The following TBX2 variants were observed in gnomAD, a reference collection of about 807,000 sequenced individuals.
The protein encoded by TBX2 is T-box transcription factor 2.
Under a neutral mutation model 48.4 loss-of-function variants are expected in TBX2, and 19 were observed. The ratio of observed to expected loss-of-function variants is 0.39; its 90% confidence interval spans 0.27 to 0.58. The LOEUF (loss-of-function observed/expected upper bound fraction) is 0.58, where lower values mean the gene tolerates loss of function less well. Ranked by LOEUF, TBX2 falls within the 20% of genes least tolerant of loss-of-function variation. TBX2 has a pLI of 0.54. For synonymous variants in TBX2, 522 were observed against 459.7 expected (o/e 1.14, Z -1.73); for missense variants, 994 against 1,006.5 (o/e 0.99, Z 0.17).
At position 61,403,186 on chromosome 17, in the gene TBX2, C is replaced by G; in HGVS notation, c.789C>G (p.Val263=). The G allele has an allele frequency of 3.1e-6, 5 of 1,613,418 alleles. No individual in the cohort carries two copies. The highest frequency in any genetic ancestry group is 4.2e-6 in the Non-Finnish European group (5 of 1,180,020). Residue 263 remains valine, a synonymous_variant, in exon 3 of 7, where the codon GTC becomes GTG. Transcript: ENST00000240328. This position sits in a 1 kb window ranked among gnomAD's most constrained non-coding sequence, Gnocchi z 5.8. ...TCCCGGAGACCGACTTCATCGCCGT[C>G]ACTGCCTACCAGAATGACAAGGTGC... ...YVFPETDFIA[V]TAYQNDKITQ...
rs2060275420 is a variant in TBX2 at position 61,403,627 on chromosome 17, C to T, written c.810+420C>T. 6.6e-6 allele frequency among the ~76,000 whole-genome samples: 1 copy of T among 152,108 alleles called. No individual in the cohort carries two copies. On this transcript the variant is annotated intron_variant, in intron 3 of 6. Transcript: ENST00000240328. The surrounding 1 kb of genome is among the most constrained non-coding windows in gnomAD (Gnocchi z 5.8). The stretch of plus-strand genomic sequence containing the variant: ...GAACCCGGGGCCCAGTTTTCACTCT[C>T]TCGGGGGGAGCCAGAGGGTGGGACA...
In TBX2 at chr17:61,405,357, G is replaced by A; in HGVS notation, c.1207G>A (p.Glu403Lys). 3 of 1,547,200 alleles carry A rather than the reference G, an allele frequency of 1.9e-6. No individual in the cohort carries two copies. The highest frequency in any genetic ancestry group is 1.4e-5 in the African/African-American group (1 of 73,646). ...PERARERRSP[E>K]RGKEPAESGG... ...GCGCGCCCGGGAGCGGCGTAGTCCC[G>A]AGAGGGGCAAGGAGCCGGCCGAGAG... Residue 403 changes from glutamate (E) to lysine (K), a missense_variant, in exon 6 of 7, where the codon GAG (glutamate) becomes AAG (lysine). Transcript: ENST00000240328.
chr17:61,405,346 G>T lies in TBX2; in HGVS notation c.1196G>T (p.Arg399Leu). 6.5e-7 allele frequency: 1 copy of T among 1,545,962 alleles called. No homozygotes were observed. Among genetic ancestry groups the T allele is most frequent in the East Asian group, 2.4e-5 (1 of 41,892 alleles). The change falls in exon 6 of 7, where the codon CGG becomes CTG. Residue 399 changes from arginine to leucine, a missense_variant. Coordinates refer to ENST00000240328, the MANE Select transcript of TBX2 (RefSeq NM_005994.4). ...ACCGAACCCGAGCGCGCCCGGGAGC[G>T]GCGTAGTCCCGAGAGGGGCAAGGAG... is the stretch of plus-strand genomic sequence containing the variant. ...RLTEPERARE[R>L]RSPERGKEPA... is the part of the protein sequence containing the mutation.
chr17:61,403,132 G>C lies in TBX2; in HGVS notation c.735G>C (p.Leu245=). Residue 245 remains leucine (L), a synonymous_variant, in exon 3 of 7, where the codon CTG becomes CTC. Coordinates refer to ENST00000240328, the MANE Select transcript of TBX2 (RefSeq NM_005994.4). The surrounding 1 kb of genome is among the most constrained non-coding windows in gnomAD (Gnocchi z 5.8). The part of the protein sequence containing the change: ...HIVRANDILK[L]PYSTFRTYVF... The stretch of plus-strand genomic sequence containing the variant: ...TGCGAGCCAACGACATCCTGAAGCT[G>C]CCTTACAGCACCTTCCGCACCTACG... 6.2e-7 allele frequency: 1 copy of C among 1,613,812 alleles called. No homozygotes were observed. Among genetic ancestry groups the C allele is most frequent in the Non-Finnish European group, 8.5e-7 (1 of 1,180,010 alleles).
chr17:61,405,914 G>T, intron 6 of TBX2, 78 bp downstream of exon 6: 1 of 1,237,502 alleles, frequency 8.1e-7, no homozygotes, highest in South Asian at 3.9e-5. Flanking sequence ...CGGAGGGCCT[G>T]AGGGGTGCCA....
chr17:61,403,312 G>GCGC lies in TBX2; in HGVS notation c.810+106_810+108dup. ...CCTCGAAGCCCCCTGCACGGGATCCGCGCTCTTGCGGCCCGCCCCCGAGCA... is the reference window on the plus strand; with the variant it reads ...CCTCGAAGCCCCCTGCACGGGATCCGCGCCGCTCTTGCGGCCCGCCCCCGAGCA... On this transcript the variant is annotated intron_variant, in intron 3 of 6. Coordinates refer to ENST00000240328, the MANE Select transcript of TBX2 (RefSeq NM_005994.4). This position sits in a 1 kb window ranked among gnomAD's most constrained non-coding sequence, Gnocchi z 5.8. The GCGC allele has an allele frequency of 6.6e-7, 1 of 1,511,134 alleles. No individual in the cohort carries two copies. The highest frequency in any genetic ancestry group is 8.8e-7 in the Non-Finnish European group (1 of 1,134,384). The allele number at this position is 1,511,134 out of a possible 1,614,324, so 93.6% of individuals were successfully genotyped here. A position where few individuals can be genotyped will look rare whatever the true frequency, so the allele number is the denominator to read the frequency against.
At position 61,409,189 on chromosome 17, in the gene TBX2, C is replaced by G. The variant is rs559044937; in HGVS notation, c.*683C>G. 6.5e-6 allele frequency: 1 copy of G among 152,710 alleles called. No homozygotes were observed. Among genetic ancestry groups the G allele is most frequent in the African/African-American group, 2.4e-5 (1 of 41,566 alleles). The allele number at this position is 152,710 out of a possible 1,614,324, so 9.5% of individuals were successfully genotyped here. On this transcript the variant is annotated 3_prime_UTR_variant, in exon 7 of 7. Transcript: ENST00000240328. ...ATTCAAAGGTGTACATTGCTGTGTACATATATTTAGAGATTAACTCATACA... is the reference window on the plus strand; with the variant it reads ...ATTCAAAGGTGTACATTGCTGTGTAGATATATTTAGAGATTAACTCATACA...
Position 61,408,571 on chromosome 17 carries a change from C to T in TBX2, c.*65C>T, listed in dbSNP as rs573739062. On this transcript the variant is annotated 3_prime_UTR_variant, in exon 7 of 7. Coordinates refer to ENST00000240328, the MANE Select transcript of TBX2 (RefSeq NM_005994.4). ...GGCTGCCTGCCCCTGCTGCTTGGGACGTGTACAGCACAGAATGAGTATTTA... is the reference window on the plus strand; with the variant it reads ...GGCTGCCTGCCCCTGCTGCTTGGGATGTGTACAGCACAGAATGAGTATTTA... 480 of 1,362,620 alleles carry T rather than the reference C, an allele frequency of 3.5e-4. 1 individual carries two copies. The African/African-American group carries it at 6.3e-3, about 18-fold the overall frequency. 84.4% of individuals were successfully genotyped at this position (1,362,620 alleles called of 1,614,324 possible).
Position 61,401,933 on chromosome 17 carries a change from C to A in TBX2, c.645C>A (p.Ile215=). ...AFHKLKLTNN[I]SDKHGFTILN... is the part of the protein sequence containing the mutation. ...ACAAGCTGAAGCTGACCAACAACATCTCTGACAAGCACGGCTTCGTGAGTG... is the reference window on the plus strand; with the variant it reads ...ACAAGCTGAAGCTGACCAACAACATATCTGACAAGCACGGCTTCGTGAGTG... Residue 215 remains isoleucine, a synonymous_variant, in exon 2 of 7, where the codon ATC becomes ATA. Transcript: ENST00000240328. The A allele has an allele frequency of 1.2e-6, 2 of 1,604,194 alleles. No individual in the cohort carries two copies. Among genetic ancestry groups the A allele is most frequent in the South Asian group, 1.1e-5 (1 of 90,284 alleles).
Position 61,408,312 on chromosome 17 carries a change from G to T in TBX2, c.1945G>T (p.Ala649Ser). 6.2e-7 allele frequency: 1 copy of T among 1,611,422 alleles called. No homozygotes were observed. Among genetic ancestry groups the T allele is most frequent in the Non-Finnish European group, 8.5e-7 (1 of 1,179,444 alleles). The change falls in exon 7 of 7, where the codon GCT (alanine) becomes TCT (serine). Residue 649 changes from alanine (A) to serine (S), a missense_variant. Physicochemically the swap from Ala to Ser is moderately conservative, Grantham distance 99 (BLOSUM62 1). This residue lies in a region of TBX2 where 639 missense variants were observed against 613.2 expected (regional missense o/e 1.04). Transcript: ENST00000240328. Reference protein sequence around the residue: ...TGLASEGSKAAGGNSREPSPL... With the variant: ...TGLASEGSKASGGNSREPSPL... ...GCTGGCCTCTGAGGGCTCCAAGGCCGCTGGTGGAAACAGCCGGGAGCCTAG... is the reference window on the plus strand; with the variant it reads ...GCTGGCCTCTGAGGGCTCCAAGGCCTCTGGTGGAAACAGCCGGGAGCCTAG...
At chr17:61,407,963 A>T in intron 6 of TBX2, 91 bp from the exon 7 acceptor site, 1 of 1,442,454 alleles carries the variant, frequency 6.9e-7, no homozygotes, top group African/African-American at 1.4e-5. Flanking sequence ...CTAAAACAGA[A>T]GGGCACGGTG....
rs1461212074 is a variant in TBX2 at position 61,400,387 on chromosome 17, G to A, written c.211G>A (p.Ala71Thr). 4.2e-6 allele frequency: 5 copies of A among 1,191,874 alleles called. No homozygotes were observed. Among genetic ancestry groups the A allele is most frequent in the Non-Finnish European group, 4.2e-6 (4 of 959,278 alleles). 73.8% of individuals were successfully genotyped at this position (1,191,874 alleles called of 1,614,324 possible). Residue 71 changes from alanine to threonine, a missense_variant, in exon 1 of 7, where the codon GCC becomes ACC. Transcript: ENST00000240328. This position sits in a 1 kb window ranked among gnomAD's most constrained non-coding sequence, Gnocchi z 9.2. ...AAAAAAAAAA[A>T]EAGLHVSALG... ...CGCGGCGGCGGCGGCGGCAGCAGCG[G>A]CCGAGGCGGGGCTGCACGTCTCGGC...
In TBX2 at chr17:61,405,402, G is replaced by A. The variant is rs1177673569; in HGVS notation, c.1252G>A (p.Gly418Ser). ...PAESGGDGPF[G>S]LRSLEKERAE... ...CGAGAGCGGCGGGGACGGCCCGTTCGGCCTGAGGAGCCTGGAGAAGGAGCG... is the reference window on the plus strand; with the variant it reads ...CGAGAGCGGCGGGGACGGCCCGTTCAGCCTGAGGAGCCTGGAGAAGGAGCG... The change falls in exon 6 of 7, where the codon GGC (glycine) becomes AGC (serine). Residue 418 changes from glycine (G) to serine (S), a missense_variant. This residue lies in a region of TBX2 where 639 missense variants were observed against 613.2 expected (regional missense o/e 1.04). Transcript: ENST00000240328. 1.3e-5 allele frequency: 20 copies of A among 1,537,536 alleles called. No individual in the cohort carries two copies. The highest frequency in any genetic ancestry group is 1.7e-5 in the Non-Finnish European group (19 of 1,145,878).
rs8068318 is a variant in TBX2 at position 61,406,405 on chromosome 17, C to T, written c.1686+569C>T. On this transcript the variant is annotated intron_variant, in intron 6 of 6. Coordinates refer to ENST00000240328, the MANE Select transcript of TBX2 (RefSeq NM_005994.4). The surrounding 1 kb of genome is among the most constrained non-coding windows in gnomAD (Gnocchi z 5.7). ...GGTGAAGGACAAGGCTGGTCTTTCC[C>T]CTACCTTGAGTTCCCAGCACCCCCA... 84,483 of 152,088 alleles carry T rather than the reference C, an allele frequency of 0.56. 26,509 individuals are homozygous for T. The highest frequency in any genetic ancestry group is 0.72 in the Non-Finnish European group (49,144 of 68,026). The allele number at this position is 152,088 out of a possible 1,614,324, so 9.4% of individuals were successfully genotyped here. A position where few individuals can be genotyped will look rare whatever the true frequency, so the allele number is the denominator to read the frequency against.
chr17:61,405,915 A>AG, intron 6 of TBX2, 79 bp downstream of exon 6: 1 of 1,228,038 alleles, frequency 8.1e-7, no homozygotes. Flanking sequence ...GGAGGGCCTG[A>AG]GGGGTGCCAG....
rs2060286659 is a variant in TBX2, at chr17:61,405,812, C to T, written c.1662C>T (p.Leu554=). The T allele has an allele frequency of 1.6e-5, 21 of 1,323,412 alleles. No homozygotes were observed. Among genetic ancestry groups the T allele is most frequent in the Non-Finnish European group, 1.9e-5 (20 of 1,043,576 alleles). 82.0% of individuals were successfully genotyped at this position (1,323,412 alleles called of 1,614,324 possible). The part of the protein sequence containing the change: ...ASTAAPFPFH[L]SQHMLASQGI... ...CCGCCGCGCCCTTCCCGTTCCACCT[C>T]TCCCAGCACATGCTGGCATCTCAGG... The change falls in exon 6 of 7, where the codon CTC becomes CTT. Residue 554 remains leucine (L), a synonymous_variant. Coordinates refer to ENST00000240328, the MANE Select transcript of TBX2 (RefSeq NM_005994.4).
At position 61,401,969 on chromosome 17, in the gene TBX2, G is replaced by A. The variant is rs781418668; in HGVS notation, c.663+18G>A. 2.3e-5 allele frequency: 37 copies of A among 1,577,378 alleles called. No individual in the cohort carries two copies. The East Asian group carries it at 8.1e-4, about 34-fold the overall frequency. ...ACGGCTTCGTGAGTGTTGGGGCAGG[G>A]TGGGGACGGTGCAGGAGCTTGTTGA... is the stretch of plus-strand genomic sequence containing the variant. On this transcript the variant is annotated intron_variant, in intron 2 of 6. Coordinates refer to ENST00000240328, the MANE Select transcript of TBX2 (RefSeq NM_005994.4).
intron 5 of TBX2, 134 bp downstream of exon 5, chr17:61,404,903 T>G (rs1363780070): frequency 1.5e-6 from 2 of 1,378,416 alleles, no homozygotes; most frequent in Non-Finnish European, 2.0e-6. Flanking sequence ...TGGGATGGGG[T>G]TTCCGTCCCG....
rs554102126 is a variant in TBX2 at position 61,405,134 on chromosome 17, G to A, written c.1052-68G>A. On this transcript the variant is annotated intron_variant, in intron 5 of 6. Coordinates refer to ENST00000240328, the MANE Select transcript of TBX2 (RefSeq NM_005994.4). ...GGCCTCCCCGAGAGCAGCCCTTCCCGAGTGTCCCTGATCCTGCTCGTCGGC... is the reference window on the plus strand; with the variant it reads ...GGCCTCCCCGAGAGCAGCCCTTCCCAAGTGTCCCTGATCCTGCTCGTCGGC... 47 of 1,483,270 alleles carry A rather than the reference G, an allele frequency of 3.2e-5. No individual in the cohort carries two copies. In the African/African-American group the frequency reaches 5.4e-4, roughly 17 times the overall value. The allele number at this position is 1,483,270 out of a possible 1,614,324, so 91.9% of individuals were successfully genotyped here.
Sources: gnomAD v4.1 joint callset for allele counts (sites outside exome capture counted in the v4.1 genomes callset) on GRCh38, gnomAD v4.1.1 for gene constraint, gnomAD v4.1.1 regional missense constraint, Gnocchi (gnomAD v3.1) non-coding constraint, MANE v1.5 for transcripts, NCBI Gene and HGNC (gene_info 2026-07-23, HGNC 2026-07-21) for gene names.